CSMD1: variants seen among roughly 807,000 people sequenced by gnomAD.
CSMD1 encodes CUB and Sushi multiple domains 1.
A neutral mutation model predicts 417.5 loss-of-function variants in CSMD1; 213 were observed. The ratio of observed to expected loss-of-function variants is 0.51; its 90% CI spans 0.46 to 0.57. CSMD1 has a LOEUF of 0.57. Ranked by LOEUF, CSMD1 falls within the 20% of genes least tolerant of loss-of-function variation. The pLI is 0.00. For synonymous variants in CSMD1, 2,862 were observed against 1,736.8 expected, an observed-to-expected ratio of 1.65 and a Z score of -16.11; for missense variants, 6,923 against 4,529.7, an observed-to-expected ratio of 1.53 and a Z score of -15.17.
intron 8 of CSMD1, among the ~76,000 whole-genome samples, chr8:3,606,573 GTGAGGGCCTAGGACA>G (rs914791922): frequency 2.0e-5 from 3 of 152,150 alleles, no homozygotes; most frequent in African/African-American, 7.2e-5. Context: ...GTGAGTGAAT[GTGAGGGCCTAGGACA>G]TGACTGTACA....
At chr8:3,912,748 G>A (rs907965378) in intron 5 of CSMD1, among the ~76,000 whole-genome samples, 1 of 152,218 alleles carries the variant, frequency 6.6e-6, no homozygotes, top group African/African-American at 2.4e-5. Flanking sequence ...GAGGCAGACT[G>A]CAGTCTGCTC....
At chr8:4,867,471 A>T (rs188326097) in intron 1 of CSMD1, among the ~76,000 whole-genome samples, 6 of 152,196 alleles carry the variant, frequency 3.9e-5, no homozygotes, top group African/African-American at 1.4e-4. Flanking sequence ...ATAGGCAGCA[A>T]TTATCTGAGG....
intron 5 of CSMD1, among the ~76,000 whole-genome samples, chr8:3,768,513 T>C (rs919876353): frequency 2.6e-5 from 4 of 152,138 alleles, no homozygotes; most frequent in African/African-American, 7.2e-5. Context: ...GAATATAAAA[T>C]AGCATGAGAC....
intron 3 of CSMD1, among the ~76,000 whole-genome samples, chr8:4,273,772 C>G (rs1804749709): frequency 1.3e-5 from 2 of 152,290 alleles, no homozygotes; most frequent in Non-Finnish European, 2.9e-5. Flanking sequence ...GATTTAGCCT[C>G]TGTAAGCTTC....
intron 5 of CSMD1, among the ~76,000 whole-genome samples, chr8:3,868,371 C>A (rs1013314499): frequency 5.3e-5 from 8 of 152,070 alleles, no homozygotes; most frequent in African/African-American, 1.9e-4. Context: ...CCAGTAGTGC[C>A]ATCTGCAGGC....
At chr8:4,312,146 T>C (rs1161304789) in intron 3 of CSMD1, among the ~76,000 whole-genome samples, 1 of 151,956 alleles carries the variant, frequency 6.6e-6, no homozygotes, top group Non-Finnish European at 1.5e-5. Flanking sequence ...ATATTATCTT[T>C]ACACACGCTT....
At chr8:3,805,264 G>C (rs192463387) in intron 5 of CSMD1, among the ~76,000 whole-genome samples, 127 of 152,268 alleles carry the variant, frequency 8.3e-4, no homozygotes, top group Middle Eastern at 3.4e-3. Context: ...ATTTCTCCTA[G>C]GGCATCAGCA....
At chr8:3,992,779 C>G (rs1421241789) in intron 5 of CSMD1, among the ~76,000 whole-genome samples, 1 of 152,218 alleles carries the variant, frequency 6.6e-6, no homozygotes, top group Admixed American at 6.5e-5. Flanking sequence ...AGACCCAGTA[C>G]TAACATTAAA....
intron 15 of CSMD1, among the ~76,000 whole-genome samples, chr8:3,402,054 G>A (rs1812071601): frequency 6.6e-6 from 1 of 151,528 alleles, no homozygotes; most frequent in South Asian, 2.1e-4. Flanking sequence ...GATTACATAT[G>A]TGTATTTTCC....
At chr8:3,906,192 G>T (rs1486105588) in intron 5 of CSMD1, among the ~76,000 whole-genome samples, 1 of 151,974 alleles carries the variant, frequency 6.6e-6, no homozygotes. Flanking sequence ...TAATGTAAGT[G>T]AATCACAAGT....
intron 7 of CSMD1, among the ~76,000 whole-genome samples, chr8:3,698,942 TTCTAAGTCAG>T (rs1351718733): frequency 6.6e-6 from 1 of 152,226 alleles, no homozygotes; most frequent in Non-Finnish European, 1.5e-5. Context: ...GTATCCTGTG[TTCTAAGTCAG>T]GCATCCAGGC....
At position 4,894,515 on chromosome 8, in the gene CSMD1, C is replaced by A. The variant is rs112353432; in HGVS notation, c.85+99817G>T. On this transcript the variant is annotated intron_variant, in intron 1 of 69. Transcript: ENST00000635120. Reference sequence around the variant, plus strand: ...TTGCAGTGAGCCGAGATCGCACCATCGCATTCCAGCCTGGGGACAACAGCG... The same window carrying A: ...TTGCAGTGAGCCGAGATCGCACCATAGCATTCCAGCCTGGGGACAACAGCG... Among the ~76,000 whole-genome samples the A allele has an allele frequency of 8.7e-3, 1,304 of 149,102 alleles. 2 individuals carry two copies. Among genetic ancestry groups the A allele is most frequent in the Non-Finnish European group, 0.013 (902 of 67,778 alleles).
intron 3 of CSMD1, among the ~76,000 whole-genome samples, chr8:4,306,657 C>T (rs1201707203): frequency 6.6e-6 from 1 of 152,062 alleles, no homozygotes; most frequent in Non-Finnish European, 1.5e-5. Flanking sequence ...TTGTCGATCA[C>T]ATGTAGGTGA....
At chr8:3,864,318 G>C (rs1045346161) in intron 5 of CSMD1, among the ~76,000 whole-genome samples, 1 of 151,974 alleles carries the variant, frequency 6.6e-6, no homozygotes, top group Non-Finnish European at 1.5e-5. Context: ...CCTATGAGAG[G>C]ACAGTTATGG....
chr8:3,546,012 G>A (rs1253384224), intron 10 of CSMD1, among the ~76,000 whole-genome samples: 3 of 152,216 alleles, frequency 2.0e-5, no homozygotes, highest in African/African-American at 4.8e-5. Flanking sequence ...ACATGACACT[G>A]AGAAAGATTT....
intron 12 of CSMD1, among the ~76,000 whole-genome samples, chr8:3,418,745 G>T (rs1185674504): frequency 6.6e-6 from 1 of 152,102 alleles, no homozygotes; most frequent in East Asian, 1.9e-4. Flanking sequence ...TTCCAAATTG[G>T]TGATCATGCA....
chr8:3,923,151 G>A (rs752227552), intron 5 of CSMD1, among the ~76,000 whole-genome samples: 41 of 152,058 alleles, frequency 2.7e-4, no homozygotes, highest in Non-Finnish European at 5.7e-4. Flanking sequence ...CCCAGACCAC[G>A]CCGAAGCTTC....
intron 3 of CSMD1, among the ~76,000 whole-genome samples, chr8:4,200,709 A>C (rs550380593): frequency 1.3e-5 from 2 of 152,250 alleles, no homozygotes; most frequent in South Asian, 4.1e-4. Context: ...TAACAATTAA[A>C]AAACTAGCCA....
At position 4,337,536 on chromosome 8, in the gene CSMD1, TA is replaced by T. The variant is rs566350824; in HGVS notation, c.415+82416del. Among the ~76,000 whole-genome samples the T allele has an allele frequency of 7.2e-5, 11 of 152,276 alleles. No homozygotes were observed. The South Asian group carries it at 2.1e-3, about 29-fold the overall frequency. On this transcript the variant is annotated intron_variant, in intron 3 of 69. Coordinates refer to ENST00000635120, the MANE Select transcript of CSMD1 (RefSeq NM_033225.6). ...AATACTCAGATCGTAACATTATTTT[TA>T]AAAATAAACTCAGCGATGAAGTACA...
Sources: gnomAD v4.1 joint callset for allele counts (sites outside exome capture counted in the v4.1 genomes callset) on GRCh38, gnomAD v4.1.1 for gene constraint, MANE v1.5 for transcripts, NCBI Gene and HGNC (gene_info 2026-07-23, HGNC 2026-07-21) for gene names.